The following NCKAP5 variants were observed in gnomAD, a reference collection of about 807,000 sequenced individuals.
The protein encoded by NCKAP5 is nck-associated protein 5.
Under a neutral mutation model 167.0 loss-of-function variants are expected in NCKAP5, and 92 were observed. The ratio of observed to expected loss-of-function variants is 0.55; its 90% CI spans 0.47 to 0.66. The LOEUF (loss-of-function observed/expected upper bound fraction) is 0.66, where lower values mean the gene tolerates loss of function less well. Ranked by LOEUF, NCKAP5 falls within the 30% of genes least tolerant of loss-of-function variation. The probability of loss-of-function intolerance (pLI) is 0.00; values close to 1 mark genes in which losing one functional copy is unlikely to be tolerated. For missense variants in NCKAP5, 2,378 were observed against 2,315.0 expected, an observed-to-expected ratio of 1.03 and a Z score of -0.56; for synonymous variants, 891 against 877.4, an observed-to-expected ratio of 1.02 and a Z score of -0.27.
rs191745492 is a variant in NCKAP5, at chr2:132,809,543, C to T, written c.808-12814G>A. Reference sequence around the variant, plus strand: ...TGTCTCTCTTTGTCTCTTTTAACTGCCGATGCTTTAAAGCTTGTTTTGCCT... The same window carrying T: ...TGTCTCTCTTTGTCTCTTTTAACTGTCGATGCTTTAAAGCTTGTTTTGCCT... On this transcript the variant is annotated intron_variant, in intron 11 of 19. Transcript: ENST00000409261. Among the ~76,000 whole-genome samples the T allele has an allele frequency of 1.8e-3, 275 of 152,224 alleles. 1 individual carries two copies. In the South Asian group the frequency reaches 0.022, roughly 12 times the overall value.
At chr2:133,249,097 G>T (rs931567448) in intron 4 of NCKAP5, among the ~76,000 whole-genome samples, 4 of 151,682 alleles carry the variant, frequency 2.6e-5, no homozygotes, top group African/African-American at 4.8e-5. Context: ...TTATGCCACT[G>T]CCCCTGCCCC....
At chr2:133,075,978 A>T (rs2080587139) in intron 6 of NCKAP5, among the ~76,000 whole-genome samples, 1 of 152,254 alleles carries the variant, frequency 6.6e-6, no homozygotes, top group Admixed American at 6.5e-5. Context: ...TTCAAATATA[A>T]TAATATAAAA....
At chr2:132,838,287 T>C (rs1688043405) in intron 11 of NCKAP5, among the ~76,000 whole-genome samples, 1 of 152,120 alleles carries the variant, frequency 6.6e-6, no homozygotes, top group South Asian at 2.1e-4. Flanking sequence ...CTTCTTCTGT[T>C]TAATTAATTC....
chr2:133,258,573 G>A (rs988097896), intron 4 of NCKAP5, among the ~76,000 whole-genome samples: 2 of 151,996 alleles, frequency 1.3e-5, no homozygotes, highest in South Asian at 2.1e-4. Context: ...GCAAAACCCC[G>A]TCTCTACAAA....
intron 5 of NCKAP5, among the ~76,000 whole-genome samples, chr2:133,171,449 G>A (rs976267657): frequency 1.3e-5 from 2 of 152,082 alleles, no homozygotes; most frequent in African/African-American, 2.4e-5. Flanking sequence ...ATTGGCCTCC[G>A]GTGGTGGTCT....
intron 3 of NCKAP5, among the ~76,000 whole-genome samples, chr2:133,503,256 T>C (rs1030673641): frequency 8.5e-5 from 13 of 152,212 alleles, no homozygotes; most frequent in Non-Finnish European, 1.0e-4. Context: ...TCAACTGTAC[T>C]GGGGGTATAA....
chr2:133,388,877 C>T (rs557737568), intron 3 of NCKAP5, among the ~76,000 whole-genome samples: 1 of 152,208 alleles, frequency 6.6e-6, no homozygotes, highest in Non-Finnish European at 1.5e-5. Context: ...TTGCTAAGAC[C>T]ATTGGAAACA....
chr2:133,533,970 A>C (rs550234468), intron 2 of NCKAP5, among the ~76,000 whole-genome samples: 27 of 152,282 alleles, frequency 1.8e-4, no homozygotes, highest in South Asian at 4.2e-4. Context: ...CACACACACA[A>C]AAAATAAAAT....
At chr2:133,556,395 CA>C (rs1687739745) in intron 2 of NCKAP5, among the ~76,000 whole-genome samples, 1 of 152,168 alleles carries the variant, frequency 6.6e-6, no homozygotes, top group African/African-American at 2.4e-5. Context: ...TTTCATTTGT[CA>C]AACCTCTGAT....
At chr2:133,640,389 G>C in the NCKAP5 span, among the ~76,000 whole-genome samples, 2 of 152,192 alleles carry the variant, frequency 1.3e-5, no homozygotes, top group Non-Finnish European at 2.9e-5. Context: ...CCCTTTGAAG[G>C]TTACCCAAGT....
intron 5 of NCKAP5, among the ~76,000 whole-genome samples, chr2:133,191,443 T>A (rs770576017): frequency 1.3e-5 from 2 of 151,520 alleles, no homozygotes; most frequent in African/African-American, 4.8e-5. Context: ...AAAGGACAAA[T>A]CATGCTCCTA....
intron 6 of NCKAP5, among the ~76,000 whole-genome samples, chr2:133,101,504 T>C (rs1009995614): frequency 6.9e-6 from 1 of 144,822 alleles, no homozygotes; most frequent in Non-Finnish European, 1.5e-5. Flanking sequence ...AGTATGGCCA[T>C]TTTCACGATA....
At chr2:133,505,304 G>A (rs1682904794) in intron 3 of NCKAP5, among the ~76,000 whole-genome samples, 1 of 152,136 alleles carries the variant, frequency 6.6e-6, no homozygotes, top group African/African-American at 2.4e-5. Flanking sequence ...GACATGACCT[G>A]TAGTAAACAC....
At chr2:133,427,717 A>G (rs1428216409) in intron 3 of NCKAP5, among the ~76,000 whole-genome samples, 1 of 151,750 alleles carries the variant, frequency 6.6e-6, no homozygotes. Flanking sequence ...ATGACCGAGC[A>G]CAGTTTATTT....
intron 5 of NCKAP5, among the ~76,000 whole-genome samples, chr2:133,208,926 T>C (rs1173476470): frequency 1.3e-5 from 2 of 152,198 alleles, no homozygotes; most frequent in African/African-American, 2.4e-5. Context: ...CAGGTTGATA[T>C]GAGCATTTGT....
intron 8 of NCKAP5, among the ~76,000 whole-genome samples, chr2:132,918,066 C>A (rs1484200470): frequency 6.6e-6 from 1 of 152,118 alleles, no homozygotes; most frequent in African/African-American, 2.4e-5. Context: ...AATGAGTTTA[C>A]CTTTTAAACT....
chr2:133,063,411 T>C (rs190657766), intron 6 of NCKAP5, among the ~76,000 whole-genome samples: 53 of 152,316 alleles, frequency 3.5e-4, no homozygotes, highest in Non-Finnish European at 4.9e-4. Flanking sequence ...TATTTATATA[T>C]GGCGAATCCA....
At chr2:133,029,010 A>G (rs955472262) in intron 6 of NCKAP5, among the ~76,000 whole-genome samples, 1 of 152,184 alleles carries the variant, frequency 6.6e-6, no homozygotes, top group Non-Finnish European at 1.5e-5. Context: ...AGGCCTCCCC[A>G]GAAGCAGATG....
chr2:133,527,925 T>C (rs903685199), intron 2 of NCKAP5, among the ~76,000 whole-genome samples: 2 of 152,052 alleles, frequency 1.3e-5, no homozygotes, highest in Non-Finnish European at 2.9e-5. Context: ...ACTAGCCAGA[T>C]GTGGTGGCAC....
Sources: gnomAD v4.1 joint callset for allele counts (sites outside exome capture counted in the v4.1 genomes callset) on GRCh38, gnomAD v4.1.1 for gene constraint, MANE v1.5 for transcripts, NCBI Gene and HGNC (gene_info 2026-07-23, HGNC 2026-07-21) for gene names.